PRKN: variants seen among roughly 807,000 people sequenced by gnomAD.
PRKN encodes the protein E3 ubiquitin-protein ligase parkin.
In PRKN, 56 loss-of-function variants were observed where a neutral mutation model predicts 59.5. The ratio of observed to expected loss-of-function variants is 0.94; its 90% confidence interval spans 0.76 to 1.18. The LOEUF (loss-of-function observed/expected upper bound fraction) is 1.18. Ranked by LOEUF, PRKN falls within the 50% of genes most tolerant of loss-of-function variation. The pLI, the probability that PRKN is intolerant of heterozygous loss-of-function variation, is 0.00. For missense variants in PRKN, 657 were observed against 596.4 expected (o/e 1.10, Z -1.06); for synonymous variants, 250 against 222.1 (o/e 1.13, Z -1.12).
At chr6:161,742,799 A>G (rs79890096) in intron 7 of PRKN, among the ~76,000 whole-genome samples, 7,257 of 152,274 alleles carry the variant, frequency 0.048, 255 homozygotes, top group African/African-American at 0.097. Flanking sequence ...GCATTTTGAC[A>G]GAGGAGGAGG....
chr6:162,579,705 AT>A (rs200624532), intron 1 of PRKN, among the ~76,000 whole-genome samples: 18,655 of 151,982 alleles, frequency 0.12, 1,241 homozygotes, highest in Middle Eastern at 0.2. Context: ...AAACACACAA[AT>A]TTCACACACA....
intron 4 of PRKN, among the ~76,000 whole-genome samples, chr6:162,111,855 G>T (rs1050311714): frequency 2.6e-5 from 4 of 152,198 alleles, no homozygotes; most frequent in Non-Finnish European, 4.4e-5. Flanking sequence ...GGGCCTCCCA[G>T]TCTTGCTTCC....
rs1383103495 is a variant in PRKN at position 162,164,781 on chromosome 6, A to C, written c.534+36350T>G. 2.0e-5 allele frequency among the ~76,000 whole-genome samples: 3 copies of C among 148,946 alleles called. No homozygotes were observed. In the South Asian group the frequency reaches 6.3e-4, roughly 31 times the overall value. On this transcript the variant is annotated intron_variant, in intron 4 of 11. Coordinates refer to ENST00000366898, the MANE Select transcript of PRKN (RefSeq NM_004562.3). ...TAAAATGATCTCACCAAGCTTAATC[A>C]TCTCTAAATCTAAAATTTTCTACCA...
intron 9 of PRKN, among the ~76,000 whole-genome samples, chr6:161,443,453 C>A (rs1045178481): frequency 6.6e-6 from 1 of 152,144 alleles, no homozygotes; most frequent in Admixed American, 6.5e-5. Context: ...TTTGATGGTA[C>A]CACGAAGCGC....
Position 162,338,387 on chromosome 6 carries a change from C to T in PRKN, c.172-75622G>A, listed in dbSNP as rs575670143. Among the ~76,000 whole-genome samples the T allele has an allele frequency of 4.6e-5, 7 of 151,430 alleles. 1 individual carries two copies. Among genetic ancestry groups the T allele is most frequent in the Admixed American group, 3.9e-4 (6 of 15,206 alleles). The stretch of plus-strand genomic sequence containing the variant: ...GCCTGATTCTCCTGCCTCAGCCTGC[C>T]GAGTGCCTGCTACTGCAGGCACGCG... On this transcript the variant is annotated intron_variant, in intron 2 of 11. Transcript: ENST00000366898.
At chr6:161,656,192 A>G (rs1784344391) in intron 7 of PRKN, among the ~76,000 whole-genome samples, 1 of 152,182 alleles carries the variant, frequency 6.6e-6, no homozygotes, top group Non-Finnish European at 1.5e-5. Context: ...TCGGTCAAGG[A>G]GCGAAATCCT....
At chr6:162,488,019 C>T (rs1467366937) in intron 1 of PRKN, among the ~76,000 whole-genome samples, 1 of 145,988 alleles carries the variant, frequency 6.8e-6, no homozygotes, top group Non-Finnish European at 1.5e-5. Context: ...ACTACATCCA[C>T]CATTTCCCTT....
intron 2 of PRKN, among the ~76,000 whole-genome samples, chr6:162,370,287 T>A (rs1435618963): frequency 6.6e-6 from 1 of 152,162 alleles, no homozygotes; most frequent in South Asian, 2.1e-4. Context: ...CATGGAGATA[T>A]ATCTCATTGA....
At chr6:162,158,993 G>A (rs1782645290) in intron 4 of PRKN, among the ~76,000 whole-genome samples, 1 of 151,820 alleles carries the variant, frequency 6.6e-6, no homozygotes, top group African/African-American at 2.4e-5. Flanking sequence ...TGGCATTCAG[G>A]GCCATCCACA....
intron 7 of PRKN, among the ~76,000 whole-genome samples, chr6:161,780,060 T>G (rs1192100054): frequency 6.6e-6 from 1 of 152,248 alleles, no homozygotes; most frequent in Non-Finnish European, 1.5e-5. Flanking sequence ...GCGTGCCTAC[T>G]GTCTTCAGCA....
At chr6:161,812,729 C>A (rs1266140154) in intron 6 of PRKN, among the ~76,000 whole-genome samples, 2 of 152,162 alleles carry the variant, frequency 1.3e-5, no homozygotes, top group African/African-American at 2.4e-5. Context: ...AAAAGACTGA[C>A]AATACCAAGT....
At position 161,732,074 on chromosome 6, in the gene PRKN, G is replaced by T. The variant is rs563852347; in HGVS notation, c.871+53698C>A. On this transcript the variant is annotated intron_variant, in intron 7 of 11. Coordinates refer to ENST00000366898, the MANE Select transcript of PRKN (RefSeq NM_004562.3). ...AAGTACTAAGCCTAATACCCAACAG[G>T]TACTTTTTCTTGTTCTATTTTTTTT... Among the ~76,000 whole-genome samples the T allele has an allele frequency of 1.7e-4, 25 of 149,654 alleles. No homozygotes were observed. In the South Asian group the frequency reaches 4.8e-3, roughly 29 times the overall value.
chr6:162,475,785 T>C (rs1303086882), intron 1 of PRKN, among the ~76,000 whole-genome samples: 3 of 152,282 alleles, frequency 2.0e-5, no homozygotes, highest in Non-Finnish European at 4.4e-5. Flanking sequence ...AGTCTCGCTT[T>C]GTCGCAATCT....
chr6:161,723,425 AG>A (rs1168991270), intron 7 of PRKN, among the ~76,000 whole-genome samples: 1 of 152,132 alleles, frequency 6.6e-6, no homozygotes, highest in Non-Finnish European at 1.5e-5. Flanking sequence ...ACTTAGAGCA[AG>A]GATCTTTGCA....
At chr6:162,223,743 G>A (rs1006425571) in intron 3 of PRKN, among the ~76,000 whole-genome samples, 2 of 151,048 alleles carry the variant, frequency 1.3e-5, no homozygotes, top group Admixed American at 1.3e-4. Context: ...TCTTTCTTAT[G>A]TCCTGGTTTT....
chr6:162,450,346 CCCCCTGTGAATGTAAACG>C (rs1425032226), intron 1 of PRKN, among the ~76,000 whole-genome samples: 3 of 91,218 alleles, frequency 3.3e-5, no homozygotes, highest in African/African-American at 1.0e-4. Context: ...TGATTGTAAT[CCCCCTGTGAATGTAAACG>C]CCCCTGTGAT....
At chr6:161,668,974 A>C (rs908362388) in intron 7 of PRKN, among the ~76,000 whole-genome samples, 39 of 152,198 alleles carry the variant, frequency 2.6e-4, no homozygotes, top group African/African-American at 8.4e-4. Flanking sequence ...AATTCATGTT[A>C]AAACCTAATT....
intron 4 of PRKN, among the ~76,000 whole-genome samples, chr6:162,132,017 C>T (rs951469081): frequency 2.0e-5 from 3 of 152,120 alleles, no homozygotes; most frequent in Non-Finnish European, 2.9e-5. Flanking sequence ...AGATAACATG[C>T]CATGACAGCT....
In PRKN at chr6:161,578,085, A is replaced by T. The variant is rs1027747102; in HGVS notation, c.872-8669T>A. On this transcript the variant is annotated intron_variant, in intron 7 of 11. Coordinates refer to ENST00000366898, the MANE Select transcript of PRKN (RefSeq NM_004562.3). This position sits in a 1 kb window ranked among gnomAD's most constrained non-coding sequence, Gnocchi z 4.2. ...GAAGAAATAAGACGCACACCAACAA[A>T]CCAAGTAGATGTAGAAAGAGCCAAG... Among the ~76,000 whole-genome samples the T allele has an allele frequency of 2.6e-5, 4 of 152,136 alleles. No individual in the cohort carries two copies. The highest frequency in any genetic ancestry group is 9.7e-5 in the African/African-American group (4 of 41,434).
Sources: allele counts gnomAD v4.1 joint callset (sites outside exome capture counted in the v4.1 genomes callset), GRCh38; gene constraint gnomAD v4.1.1; non-coding constraint Gnocchi (gnomAD v3.1); transcripts MANE v1.5; gene names NCBI Gene and HGNC (gene_info 2026-07-23, HGNC 2026-07-21).